SOX13: variants seen among roughly 807,000 people sequenced by gnomAD.
The protein encoded by SOX13 is transcription factor SOX-13.
In SOX13, 28 loss-of-function variants were observed where a neutral mutation model predicts 71.8. That is an observed-to-expected ratio of 0.39 (90% CI 0.29 to 0.53). The LOEUF (loss-of-function observed/expected upper bound fraction) is 0.53, where lower values mean the gene tolerates loss of function less well. SOX13 is among the 20% of genes least tolerant of loss of function. SOX13 has a pLI of 0.70. For synonymous variants in SOX13, 309 were observed against 317.8 expected (o/e 0.97, Z 0.29); for missense variants, 627 against 810.3 (o/e 0.77, Z 2.75).
intron 1 of SOX13, among the ~76,000 whole-genome samples, chr1:204,074,834 G>A (rs1156568563): frequency 1.3e-5 from 2 of 152,278 alleles, no homozygotes; most frequent in African/African-American, 2.4e-5. Flanking sequence ...AGACTCCGCT[G>A]GCGCTCTTGG....
rs945654233 is a variant in SOX13, at chr1:204,117,916, T to C, written c.775+209T>C. ...GGGAGAATGAAAAACCATAAAGCCCTTTCCAGATGTAAAATGATGTAGCAA... is the reference window on the plus strand; with the variant it reads ...GGGAGAATGAAAAACCATAAAGCCCCTTCCAGATGTAAAATGATGTAGCAA... On this transcript the variant is annotated intron_variant, in intron 7 of 13. Transcript: ENST00000367204. 1.0e-5 allele frequency: 6 copies of C among 574,326 alleles called. No individual in the cohort carries two copies. The African/African-American group carries it at 1.1e-4, about 11-fold the overall frequency. The allele number at this position is 574,326 out of a possible 1,614,324, so 35.6% of individuals were successfully genotyped here.
At position 204,112,882 on chromosome 1, in the gene SOX13, G is replaced by A. The variant is rs1380731195; in HGVS notation, c.-1-33G>A. Reference sequence around the variant, plus strand: ...CTCTGGGCAGAAGTTTACGACTGGGGACTCACCTCAGCTCACTCTGTCCCT... The same window carrying A: ...CTCTGGGCAGAAGTTTACGACTGGGAACTCACCTCAGCTCACTCTGTCCCT... On this transcript the variant is annotated intron_variant, in intron 1 of 13. Transcript: ENST00000367204. 1.9e-6 allele frequency: 3 copies of A among 1,580,140 alleles called. No individual in the cohort carries two copies. In the East Asian group the frequency reaches 6.7e-5, roughly 35 times the overall value.
intron 1 of SOX13, among the ~76,000 whole-genome samples, chr1:204,096,573 C>T (rs974445348): frequency 1.3e-5 from 2 of 151,980 alleles, no homozygotes; most frequent in Non-Finnish European, 2.9e-5. Flanking sequence ...CCCGCCACCA[C>T]ACCTGGCTAA....
intron 13 of SOX13, among the ~76,000 whole-genome samples, chr1:204,125,278 A>G (rs971534026): frequency 7.2e-5 from 11 of 152,166 alleles, no homozygotes; most frequent in African/African-American, 2.2e-4. Context: ...AAAATATACA[A>G]TTTCTGCCTG....
chr1:204,116,730 C>A, intron 5 of SOX13, 51 bp downstream of exon 5: 1 of 1,601,728 alleles, frequency 6.2e-7, no homozygotes, highest in Non-Finnish European at 8.5e-7. Context: ...AGGAGTGTGT[C>A]AGGACCTAGA....
intron 1 of SOX13, among the ~76,000 whole-genome samples, chr1:204,082,115 GTGTAA>G (rs1173133982): frequency 6.6e-6 from 1 of 151,610 alleles, no homozygotes; most frequent in African/African-American, 2.4e-5. Context: ...GTGTGTGTGA[GTGTAA>G]TGTGAGTGTG....
chr1:204,109,211 G>C (rs2102249555), intron 1 of SOX13, among the ~76,000 whole-genome samples: 1 of 152,320 alleles, frequency 6.6e-6, no homozygotes, highest in African/African-American at 2.4e-5. Context: ...TCTCTGCAGT[G>C]CCCTGTCTTG....
At chr1:204,087,449 A>C (rs1656049519) in intron 1 of SOX13, among the ~76,000 whole-genome samples, 1 of 152,230 alleles carries the variant, frequency 6.6e-6, no homozygotes, top group Admixed American at 6.5e-5. Context: ...TGCATGAGGC[A>C]GTAGGCCCCC....
intron 1 of SOX13, among the ~76,000 whole-genome samples, chr1:204,106,353 A>G (rs1470789292): frequency 2.6e-5 from 4 of 152,140 alleles, no homozygotes; most frequent in Admixed American, 2.6e-4. Context: ...CCTGTTAAGC[A>G]TCCAGACCTG....
chr1:204,077,345 C>G (rs1222548518), intron 1 of SOX13, among the ~76,000 whole-genome samples: 1 of 152,166 alleles, frequency 6.6e-6, no homozygotes, highest in Non-Finnish European at 1.5e-5. Flanking sequence ...ATGATCTGCT[C>G]TATGATTTTA....
intron 4 of SOX13, chr1:204,116,242 G>C: frequency 7.0e-7 from 1 of 1,430,308 alleles, no homozygotes. Context: ...CTCTGGGGCT[G>C]ACATGTCCCA....
intron 1 of SOX13, among the ~76,000 whole-genome samples, chr1:204,076,490 A>C (rs1655787860): frequency 6.6e-6 from 1 of 152,180 alleles, no homozygotes; most frequent in Non-Finnish European, 1.5e-5. Context: ...GTGAGGGGCA[A>C]AAGTGTCACC....
intron 1 of SOX13, among the ~76,000 whole-genome samples, chr1:204,101,676 T>A (rs866453933): frequency 6.6e-6 from 1 of 151,986 alleles, no homozygotes. Context: ...TAATAACTTA[T>A]CAGTTCTCTA....
At chr1:204,115,492 T>TTA (rs1491309003) in intron 4 of SOX13, among the ~76,000 whole-genome samples, 90 of 49,972 alleles carry the variant, frequency 1.8e-3, no homozygotes, top group South Asian at 2.1e-3. Flanking sequence ...TTTTTTTTTT[T>TTA]AAAAAAAAAA....
chr1:204,088,001 C>T (rs1269793444), intron 1 of SOX13, among the ~76,000 whole-genome samples: 3 of 152,168 alleles, frequency 2.0e-5, no homozygotes, highest in Non-Finnish European at 1.5e-5. Flanking sequence ...CAAGTGACAG[C>T]CCACACTGGG....
chr1:204,106,336 T>C (rs187931924), intron 1 of SOX13, among the ~76,000 whole-genome samples: 2 of 152,212 alleles, frequency 1.3e-5, no homozygotes, highest in African/African-American at 4.8e-5. Context: ...CCTAACAGTA[T>C]CCATCACCTG....
Position 204,122,971 on chromosome 1 carries a change from C to G in SOX13, c.1134+8C>G, listed in dbSNP as rs749996169. On this transcript the variant is annotated splice_region_variant and intron_variant, in intron 10 of 13. Transcript: ENST00000367204. ...AACACCCCCTTCCGTAAGGTATGGT[C>G]CCCCACTCCCTTGAGCCTAGGGGCA... The G allele has an allele frequency of 1.3e-6, 2 of 1,560,304 alleles. No individual in the cohort carries two copies. The highest frequency in any genetic ancestry group is 1.8e-6 in the Non-Finnish European group (2 of 1,140,348).
intron 7 of SOX13, among the ~76,000 whole-genome samples, chr1:204,121,387 T>C (rs111764747): frequency 1.2e-4 from 19 of 152,218 alleles, no homozygotes; most frequent in Non-Finnish European, 2.2e-4. Flanking sequence ...CCCAAAGTGC[T>C]AGGCATGAGC....
intron 1 of SOX13, among the ~76,000 whole-genome samples, chr1:204,096,200 G>A (rs28866651): frequency 2.1e-5 from 3 of 144,656 alleles, no homozygotes; most frequent in Non-Finnish European, 3.0e-5. Flanking sequence ...TTGAGGACCC[G>A]CCATCATATT....
Sources: gnomAD v4.1 joint callset for allele counts (sites outside exome capture counted in the v4.1 genomes callset) on GRCh38, gnomAD v4.1.1 for gene constraint, MANE v1.5 for transcripts, NCBI Gene and HGNC (gene_info 2026-07-23, HGNC 2026-07-21) for gene names.